Variants in CPQ observed in about 807,000 individuals in gnomAD.
CPQ encodes carboxypeptidase Q, also known as Ser-Met dipeptidase.
In CPQ, 37 loss-of-function variants were observed where a neutral mutation model predicts 45.7. The ratio of observed to expected loss-of-function variants is 0.81; its 90% confidence interval spans 0.62 to 1.07. The LOEUF is 1.07. Ranked by LOEUF, CPQ falls within the 50% of genes least tolerant of loss-of-function variation. The pLI, the probability that CPQ is intolerant of heterozygous loss-of-function variation, is 0.00. For synonymous variants in CPQ, 186 were observed against 205.8 expected, an observed-to-expected ratio of 0.90 and a Z score of 0.82; for missense variants, 537 against 572.9, an observed-to-expected ratio of 0.94 and a Z score of 0.64.
At chr8:97,048,098 A>G (rs557780850) in intron 6 of CPQ, among the ~76,000 whole-genome samples, 37 of 152,348 alleles carry the variant, frequency 2.4e-4, no homozygotes, top group Non-Finnish European at 4.6e-4. Context: ...TACCTGTGCT[A>G]TATTTAAAGA....
chr8:97,096,604 A>T (rs1423940885), intron 7 of CPQ, among the ~76,000 whole-genome samples: 1 of 152,228 alleles, frequency 6.6e-6, no homozygotes, highest in Non-Finnish European at 1.5e-5. Context: ...TATGTGCCTG[A>T]ACAGTTGAGT....
intron 1 of CPQ, among the ~76,000 whole-genome samples, chr8:96,734,913 G>T (rs552598158): frequency 3.3e-5 from 5 of 151,876 alleles, no homozygotes; most frequent in Non-Finnish European, 7.4e-5. Flanking sequence ...CCTGTGTGAG[G>T]ATTTTCACAT....
intron 5 of CPQ, among the ~76,000 whole-genome samples, chr8:96,989,928 C>CA (rs1809059500): frequency 6.6e-6 from 1 of 152,070 alleles, no homozygotes; most frequent in South Asian, 2.1e-4. Context: ...TAGTCTGTGT[C>CA]AAAAGCCAGG....
chr8:97,057,429 A>G (rs1810472569), intron 6 of CPQ, among the ~76,000 whole-genome samples: 1 of 152,098 alleles, frequency 6.6e-6, no homozygotes, highest in Non-Finnish European at 1.5e-5. Context: ...CTTAGAACTG[A>G]GCGCTAGAAA....
chr8:97,003,063 G>A (rs970135655), intron 5 of CPQ, among the ~76,000 whole-genome samples: 9 of 151,942 alleles, frequency 5.9e-5, no homozygotes, highest in South Asian at 2.1e-4. Context: ...AGTCTCCTTC[G>A]TCAGAAGTTA....
At chr8:97,065,533 A>G (rs1810621367) in intron 6 of CPQ, among the ~76,000 whole-genome samples, 1 of 152,184 alleles carries the variant, frequency 6.6e-6, no homozygotes, top group South Asian at 2.1e-4. Context: ...AAGCTTCGGC[A>G]GAACTCACAA....
At chr8:97,139,827 GA>G (rs1347831898) in intron 7 of CPQ, among the ~76,000 whole-genome samples, 1 of 151,458 alleles carries the variant, frequency 6.6e-6, no homozygotes, top group Non-Finnish European at 1.5e-5. Flanking sequence ...CCAAAAATTA[GA>G]AAAAGAAAAG....
chr8:96,887,893 C>A (rs1173597633), intron 4 of CPQ, among the ~76,000 whole-genome samples: 1 of 151,892 alleles, frequency 6.6e-6, no homozygotes, highest in African/African-American at 2.4e-5. Flanking sequence ...ATTCAAAGAA[C>A]AAATTCAGTT....
chr8:97,025,737 ATTG>A (rs1186279492), intron 5 of CPQ, among the ~76,000 whole-genome samples: 1 of 152,134 alleles, frequency 6.6e-6, no homozygotes, highest in Non-Finnish European at 1.5e-5. Flanking sequence ...CTGCTTTAGT[ATTG>A]TTGTTGTCGT....
chr8:96,660,466 G>A (rs985612032), intron 1 of CPQ, among the ~76,000 whole-genome samples: 2 of 152,100 alleles, frequency 1.3e-5, no homozygotes, highest in African/African-American at 2.4e-5. Context: ...TATGAATTTT[G>A]GGGAACACAA....
At chr8:96,856,220 A>G (rs1411713410) in intron 3 of CPQ, among the ~76,000 whole-genome samples, 1 of 152,212 alleles carries the variant, frequency 6.6e-6, no homozygotes, top group African/African-American at 2.4e-5. Context: ...GATTGTGTGG[A>G]GCAGGAATGT....
intron 2 of CPQ, among the ~76,000 whole-genome samples, chr8:96,790,193 C>T (rs1199107434): frequency 1.3e-5 from 2 of 152,128 alleles, no homozygotes; most frequent in African/African-American, 4.8e-5. Flanking sequence ...AGCTCTTCAT[C>T]CTTATGGCTT....
chr8:96,666,177 C>T (rs1213803284), intron 1 of CPQ, among the ~76,000 whole-genome samples: 1 of 151,912 alleles, frequency 6.6e-6, no homozygotes. Context: ...GGTACCTAGC[C>T]CTGTGGTTAT....
intron 1 of CPQ, among the ~76,000 whole-genome samples, chr8:96,758,304 C>T (rs994331652): frequency 6.6e-6 from 1 of 152,188 alleles, no homozygotes; most frequent in African/African-American, 2.4e-5. Flanking sequence ...ACTGTAGCCC[C>T]TGTCTTCTGA....
chr8:97,023,411 C>A (rs995252649), intron 5 of CPQ, among the ~76,000 whole-genome samples: 7 of 152,120 alleles, frequency 4.6e-5, no homozygotes, highest in Non-Finnish European at 5.9e-5. Context: ...CAAAATCTCA[C>A]AAATCACCAC....
chr8:96,786,159 A>G (rs1810766237), intron 2 of CPQ, among the ~76,000 whole-genome samples: 1 of 152,154 alleles, frequency 6.6e-6, no homozygotes, highest in Admixed American at 6.5e-5. Context: ...AAACTCTGTG[A>G]CTATTAGCTG....
At chr8:96,839,092 AT>A (rs34982053) in intron 3 of CPQ, among the ~76,000 whole-genome samples, 3 of 91,602 alleles carry the variant, frequency 3.3e-5, no homozygotes, top group African/African-American at 9.0e-5. Context: ...AGAACATTAT[AT>A]TATATATATA....
At chr8:97,031,311 C>A (rs1422709996) in intron 6 of CPQ, among the ~76,000 whole-genome samples, 4 of 151,782 alleles carry the variant, frequency 2.6e-5, no homozygotes, top group African/African-American at 9.7e-5. Flanking sequence ...CTCAGCCTCC[C>A]AAGTAGCTGG....
intron 3 of CPQ, among the ~76,000 whole-genome samples, chr8:96,853,115 G>A (rs956209974): frequency 4.6e-5 from 7 of 152,208 alleles, no homozygotes; most frequent in African/African-American, 1.7e-4. Context: ...TTGTCAGGAT[G>A]TGAATGGAAG....
Sources: allele counts gnomAD v4.1 joint callset (sites outside exome capture counted in the v4.1 genomes callset), GRCh38; gene constraint gnomAD v4.1.1; transcripts MANE v1.5; gene names NCBI Gene and HGNC (gene_info 2026-07-23, HGNC 2026-07-21).